The following STK17B variants were observed in gnomAD, a reference collection of about 807,000 sequenced individuals.
The protein encoded by STK17B is serine/threonine-protein kinase 17B.
Under a neutral mutation model 42.0 loss-of-function variants are expected in STK17B, and 21 were observed. The ratio of observed to expected loss-of-function variants is 0.50; its 90% confidence interval spans 0.35 to 0.72. STK17B has a LOEUF of 0.72. STK17B is among the 30% of genes least tolerant of loss of function. The probability of loss-of-function intolerance (pLI) is 0.00; values close to 1 mark genes in which losing one functional copy is unlikely to be tolerated. For synonymous variants in STK17B, 143 were observed against 148.4 expected, an observed-to-expected ratio of 0.96 and a Z score of 0.26; for missense variants, 349 against 446.0, an observed-to-expected ratio of 0.78 and a Z score of 1.96.
In STK17B at chr2:196,135,127, A is replaced by G. The variant is rs1368419588; in HGVS notation, c.*2320T>C. The stretch of plus-strand genomic sequence containing the variant: ...TTTTAAGATTTTCAGACATTTGTAA[A>G]AATGTCTTTTAACAAATGAACTTAT... On this transcript the variant is annotated 3_prime_UTR_variant, in exon 8 of 8. Transcript: ENST00000263955. 6.6e-6 allele frequency: 1 copy of G among 152,226 alleles called. No homozygotes were observed. The highest frequency in any genetic ancestry group is 1.5e-5 in the Non-Finnish European group (1 of 68,032). 9.4% of individuals were successfully genotyped at this position (152,226 alleles called of 1,614,324 possible). A position where few individuals can be genotyped will look rare whatever the true frequency, so the allele number is the denominator to read the frequency against.
rs765180300 is a variant in STK17B at position 196,141,313 on chromosome 2, A to C, written c.608-16T>G. The C allele has an allele frequency of 1.9e-6, 3 of 1,593,964 alleles. No individual in the cohort carries two copies. On this transcript the variant is annotated splice_polypyrimidine_tract_variant and intron_variant, in intron 5 of 7. Transcript: ENST00000263955. ...ATTTCTGGAGCTGAAAGAAAAGATA[A>C]AACTTAAATTCAATATTGACAAATT...
At chr2:196,149,703 T>A (rs540101459) in intron 3 of STK17B, among the ~76,000 whole-genome samples, 2 of 152,316 alleles carry the variant, frequency 1.3e-5, no homozygotes, top group South Asian at 4.1e-4. Context: ...AAATGTTGTC[T>A]CTAAAAGTAC....
chr2:196,169,484 C>G lies in STK17B; in HGVS notation c.-45+1849G>C. Among the ~76,000 whole-genome samples the G allele has an allele frequency of 1.3e-5, 2 of 152,156 alleles. 1 individual carries two copies. The highest frequency in any genetic ancestry group is 2.9e-5 in the Non-Finnish European group (2 of 68,016). The stretch of plus-strand genomic sequence containing the variant: ...AAGTGTTATTAACTGAATTCCTTGA[C>G]TTCTTGTGTCTCTAAAATTAAAGCA... On this transcript the variant is annotated intron_variant, in intron 1 of 7. Coordinates refer to ENST00000263955, the MANE Select transcript of STK17B (RefSeq NM_004226.4).
rs1435247863 is a variant in STK17B at position 196,135,140 on chromosome 2, C to G, written c.*2307G>C. 1 of 152,064 alleles carries G rather than the reference C, an allele frequency of 6.6e-6. No homozygotes were observed. The highest frequency in any genetic ancestry group is 1.5e-5 in the Non-Finnish European group (1 of 68,000). The allele number at this position is 152,064 out of a possible 1,614,324, so 9.4% of individuals were successfully genotyped here. ...AGACATTTGTAAAAATGTCTTTTAA[C>G]AAATGAACTTATAATTTAAAATTCA... is the stretch of plus-strand genomic sequence containing the variant. On this transcript the variant is annotated 3_prime_UTR_variant, in exon 8 of 8. Transcript: ENST00000263955.
chr2:196,143,057 A>C (rs1344259200), intron 5 of STK17B, among the ~76,000 whole-genome samples: 1 of 152,166 alleles, frequency 6.6e-6, no homozygotes, highest in Non-Finnish European at 1.5e-5. Context: ...CCTATGCAAA[A>C]CCTCATATTC....
intron 3 of STK17B, among the ~76,000 whole-genome samples, chr2:196,155,334 G>A (rs745383792): frequency 5.3e-5 from 8 of 152,064 alleles, no homozygotes; most frequent in Non-Finnish European, 1.0e-4. Context: ...GCCTTAAGAC[G>A]GTTCTGGGAA....
chr2:196,147,303 T>TATCC (rs1286363020), intron 3 of STK17B, among the ~76,000 whole-genome samples: 1 of 20,112 alleles, frequency 5.0e-5, no homozygotes, highest in Non-Finnish European at 1.1e-4. Flanking sequence ...TCAAGAACAG[T>TATCC]ATCTAGCATG....
At chr2:196,141,222 T>C (rs930736864) in intron 6 of STK17B, 27 bp downstream of exon 6, 2 of 1,576,868 alleles carry the variant, frequency 1.3e-6, no homozygotes, top group African/African-American at 2.7e-5. Context: ...TCCATAAAGA[T>C]GTTTAAGGTA....
chr2:196,135,434 C>G lies in STK17B; in HGVS notation c.*2013G>C, dbSNP rs1482555601. 1 of 152,122 alleles carries G rather than the reference C, an allele frequency of 6.6e-6. No homozygotes were observed. The highest frequency in any genetic ancestry group is 1.5e-5 in the Non-Finnish European group (1 of 68,018). 9.4% of individuals were successfully genotyped at this position (152,122 alleles called of 1,614,324 possible). A position where few individuals can be genotyped will look rare whatever the true frequency, so the allele number is the denominator to read the frequency against. ...GAATTTAAATGTCATAAGAAGAGAA[C>G]ATAAAGTCATATAAAGAATATAAAT... On this transcript the variant is annotated 3_prime_UTR_variant, in exon 8 of 8. Coordinates refer to ENST00000263955, the MANE Select transcript of STK17B (RefSeq NM_004226.4).
At chr2:196,146,282 G>C (rs981182780) in intron 3 of STK17B, among the ~76,000 whole-genome samples, 1 of 152,124 alleles carries the variant, frequency 6.6e-6, no homozygotes, top group Non-Finnish European at 1.5e-5. Flanking sequence ...TGAGATAGGC[G>C]AATCACTGAA....
intron 2 of STK17B, among the ~76,000 whole-genome samples, chr2:196,159,541 G>C (rs571599527): frequency 6.6e-6 from 1 of 151,886 alleles, no homozygotes; most frequent in Admixed American, 6.6e-5. Context: ...CAAACTCCTG[G>C]GCTCAAACGA....
rs553908014 is a variant in STK17B, at chr2:196,170,324, A to C, written c.-45+1009T>G. 2.6e-5 allele frequency among the ~76,000 whole-genome samples: 4 copies of C among 152,298 alleles called. No individual in the cohort carries two copies. In the East Asian group the frequency reaches 7.7e-4, roughly 29 times the overall value. On this transcript the variant is annotated intron_variant, in intron 1 of 7. Coordinates refer to ENST00000263955, the MANE Select transcript of STK17B (RefSeq NM_004226.4). ...ACGTAAAGTGGCCACACCACGTCAA[A>C]CGTCCCTGGCAAGGTTCTGCTTATC...
rs1559406653 is a variant in STK17B at position 196,136,376 on chromosome 2, A to G, written c.*1071T>C. On this transcript the variant is annotated 3_prime_UTR_variant, in exon 8 of 8. Coordinates refer to ENST00000263955, the MANE Select transcript of STK17B (RefSeq NM_004226.4). ...AGATGGCTTTAAGCTGAGCCTCCTCACTCACTAGGAATTTCACACAAGAAC... is the reference window on the plus strand; with the variant it reads ...AGATGGCTTTAAGCTGAGCCTCCTCGCTCACTAGGAATTTCACACAAGAAC... 6.6e-6 allele frequency: 1 copy of G among 152,492 alleles called. No homozygotes were observed. The highest frequency in any genetic ancestry group is 2.4e-5 in the African/African-American group (1 of 41,432). 9.4% of individuals were successfully genotyped at this position (152,492 alleles called of 1,614,324 possible).
At chr2:196,152,045 G>T (rs1266368226) in intron 3 of STK17B, among the ~76,000 whole-genome samples, 1 of 151,496 alleles carries the variant, frequency 6.6e-6, no homozygotes, top group Non-Finnish European at 1.5e-5. Context: ...GGCTATAGTT[G>T]TTCCAGAAGA....
chr2:196,165,718 G>C (rs527785262), intron 1 of STK17B: 1 of 152,204 alleles, frequency 6.6e-6, no homozygotes, highest in Non-Finnish European at 1.5e-5. Context: ...GATGATAAAA[G>C]AATTGATCTT....
intron 3 of STK17B, among the ~76,000 whole-genome samples, chr2:196,150,184 A>T (rs867578704): frequency 0.019 from 2,769 of 145,804 alleles, 76 homozygotes; most frequent in African/African-American, 0.061. Context: ...GTGACTAAAA[A>T]AAAAAAAAAA....
chr2:196,159,661 G>A (rs911679081), intron 2 of STK17B, among the ~76,000 whole-genome samples: 5 of 152,160 alleles, frequency 3.3e-5, no homozygotes, highest in Admixed American at 1.3e-4. Flanking sequence ...CAGGGCAAAG[G>A]TGACCAAATG....
rs16845755 is a variant in STK17B at position 196,149,054 on chromosome 2, T to G, written c.336-2999A>C. On this transcript the variant is annotated intron_variant, in intron 3 of 7. Coordinates refer to ENST00000263955, the MANE Select transcript of STK17B (RefSeq NM_004226.4). Reference sequence around the variant, plus strand: ...ATGGTCTAAGAATTAAATTGGATAATCCACATAAAGTATTGAGCACAAACA... The same window carrying G: ...ATGGTCTAAGAATTAAATTGGATAAGCCACATAAAGTATTGAGCACAAACA... 0.02 allele frequency among the ~76,000 whole-genome samples: 3,003 copies of G among 152,160 alleles called. 256 individuals carry two copies. The East Asian group carries it at 0.27, about 14-fold the overall frequency.
rs1387890086 is a variant in STK17B, at chr2:196,141,234, C to G, written c.656+15G>C. The G allele has an allele frequency of 6.3e-7, 1 of 1,597,904 alleles. No individual in the cohort carries two copies. Among genetic ancestry groups the G allele is most frequent in the Non-Finnish European group, 8.5e-7 (1 of 1,169,660 alleles). On this transcript the variant is annotated intron_variant, in intron 6 of 7. Transcript: ENST00000263955. ...CTTTCCATAAAGATGTTTAAGGTAACTAACAACATCTTACCACATATCTGT... is the reference window on the plus strand; with the variant it reads ...CTTTCCATAAAGATGTTTAAGGTAAGTAACAACATCTTACCACATATCTGT...
Sources: allele counts gnomAD v4.1 joint callset (sites outside exome capture counted in the v4.1 genomes callset), GRCh38; gene constraint gnomAD v4.1.1; transcripts MANE v1.5; gene names NCBI Gene and HGNC (gene_info 2026-07-23, HGNC 2026-07-21).